Variants in FA2H observed in about 807,000 individuals in gnomAD.
The protein encoded by FA2H is fatty acid alpha-hydroxylase.
FA2H carries 22 observed loss-of-function variants against 44.9 expected under a neutral mutation model. That is an observed-to-expected ratio of 0.49 (90% CI 0.35 to 0.70). The LOEUF is 0.70. Among genes scored for constraint, FA2H ranks in the 30% least tolerant of loss-of-function variants. The pLI is 0.01. For missense variants in FA2H, 501 were observed against 504.9 expected (o/e 0.99, Z 0.07); for synonymous variants, 243 against 213.2 (o/e 1.14, Z -1.22).
At chr16:74,741,829 T>TGTGC (rs1306244978) in intron 1 of FA2H, among the ~76,000 whole-genome samples, 969 of 89,696 alleles carry the variant, frequency 0.011, 15 homozygotes, top group Non-Finnish European at 0.017. Flanking sequence ...TGTGTGTGTG[T>TGTGC]GTGTGTGTAT....
chr16:74,743,161 C>T (rs1260776585), intron 1 of FA2H, among the ~76,000 whole-genome samples: 1 of 152,132 alleles, frequency 6.6e-6, no homozygotes, highest in Non-Finnish European at 1.5e-5. Flanking sequence ...CTCTATTTTA[C>T]AGTATTTATG....
At chr16:74,727,116 C>T (rs1016059627) in intron 3 of FA2H, 128 bp downstream of exon 3, 14 of 1,302,582 alleles carry the variant, frequency 1.1e-5, no homozygotes, top group Non-Finnish European at 1.5e-5. Flanking sequence ...ATGTTCCTCC[C>T]TCCCTGACAG....
At chr16:74,727,623 T>C (rs1961987232) in intron 2 of FA2H, among the ~76,000 whole-genome samples, 2 of 152,182 alleles carry the variant, frequency 1.3e-5, no homozygotes, top group South Asian at 4.1e-4. Context: ...TGATGAGCCA[T>C]CAGATGATCC....
chr16:74,748,571 C>T (rs1179571390), intron 1 of FA2H, among the ~76,000 whole-genome samples: 1 of 152,162 alleles, frequency 6.6e-6, no homozygotes, highest in East Asian at 1.9e-4. Flanking sequence ...CTCCTTTCTC[C>T]CCTCGTGGAG....
At chr16:74,726,183 T>A (rs1961949141) in intron 4 of FA2H, 42 bp downstream of exon 4, 1 of 1,393,060 alleles carries the variant, frequency 7.2e-7, no homozygotes, top group Non-Finnish European at 1.0e-6. Flanking sequence ...GTCTCCTCCC[T>A]CTAGGATCCT....
chr16:74,753,673 AAAAT>A (rs1354579707), intron 1 of FA2H, among the ~76,000 whole-genome samples: 3 of 152,138 alleles, frequency 2.0e-5, no homozygotes, highest in Non-Finnish European at 4.4e-5. Context: ...ACTCCAGCTC[AAAAT>A]AAATAAATAA....
intron 1 of FA2H, among the ~76,000 whole-genome samples, chr16:74,769,364 CT>C (rs1962863910): frequency 6.6e-6 from 1 of 152,062 alleles, no homozygotes; most frequent in Non-Finnish European, 1.5e-5. Context: ...CCCAAAGTGC[CT>C]GGATTACAGG....
intron 1 of FA2H, among the ~76,000 whole-genome samples, chr16:74,748,823 G>A (rs1482011049): frequency 6.6e-6 from 1 of 152,210 alleles, no homozygotes; most frequent in Non-Finnish European, 1.5e-5. Context: ...GGGAAAGCTG[G>A]GGCTGGGCAC....
At chr16:74,737,848 C>T (rs1315982233) in intron 2 of FA2H, among the ~76,000 whole-genome samples, 3 of 152,174 alleles carry the variant, frequency 2.0e-5, no homozygotes, top group Admixed American at 6.5e-5. Flanking sequence ...AAGACCTACC[C>T]CAGCCCCCGC....
intron 6 of FA2H, among the ~76,000 whole-genome samples, chr16:74,716,089 G>C (rs1309611014): frequency 6.6e-6 from 1 of 152,008 alleles, no homozygotes; most frequent in Non-Finnish European, 1.5e-5. Context: ...CCCTCGGCTG[G>C]GATTACAGGT....
chr16:74,729,986 A>C (rs529467236), intron 2 of FA2H, among the ~76,000 whole-genome samples: 15 of 152,200 alleles, frequency 9.9e-5, no homozygotes, highest in African/African-American at 3.6e-4. Flanking sequence ...AGCCTGGACG[A>C]AACAGCCATC....
rs747902289 is a variant in FA2H, at chr16:74,727,438, C to T, written c.364-52G>A. 18 of 1,592,314 alleles carry T rather than the reference C, an allele frequency of 1.1e-5. No individual in the cohort carries two copies. The East Asian group carries it at 1.3e-4, about 12-fold the overall frequency. ...TTTGATATTCACGTCTTCCCATATT[C>T]GTTCTCCCATTTCCTCGTTACAGCA... On this transcript the variant is annotated intron_variant, in intron 2 of 6. Transcript: ENST00000219368.
At chr16:74,726,059 A>T (rs1961947023) in intron 4 of FA2H, 166 bp downstream of exon 4, 2 of 627,548 alleles carry the variant, frequency 3.2e-6, no homozygotes. Context: ...GATGGGAGTC[A>T]GACAAAATTC....
At chr16:74,767,813 A>C (rs1962836801) in intron 1 of FA2H, among the ~76,000 whole-genome samples, 1 of 152,250 alleles carries the variant, frequency 6.6e-6, no homozygotes, top group African/African-American at 2.4e-5. Context: ...TTTGCCAGAG[A>C]AGCAATCAAA....
At chr16:74,750,513 CACTGA>C (rs1204704747) in intron 1 of FA2H, among the ~76,000 whole-genome samples, 1 of 152,164 alleles carries the variant, frequency 6.6e-6, no homozygotes, top group Non-Finnish European at 1.5e-5. Flanking sequence ...CAATAATAGT[CACTGA>C]ACTGTTTTAT....
At chr16:74,731,376 C>G (rs1567639106) in intron 2 of FA2H, among the ~76,000 whole-genome samples, 1 of 151,316 alleles carries the variant, frequency 6.6e-6, no homozygotes, top group Non-Finnish European at 1.5e-5. Flanking sequence ...CTCCTGACCT[C>G]AGGTGATTCT....
In FA2H at chr16:74,755,319, A is replaced by G. The variant is rs117557040; in HGVS notation, c.271-15204T>C. 6.0e-3 allele frequency among the ~76,000 whole-genome samples: 917 copies of G among 152,238 alleles called. 3 individuals carry two copies. The highest frequency in any genetic ancestry group is 0.01 in the Non-Finnish European group (712 of 68,000). On this transcript the variant is annotated intron_variant, in intron 1 of 6. Coordinates refer to ENST00000219368, the MANE Select transcript of FA2H (RefSeq NM_024306.5). ...TTCAGCCTCCAGAGTAGCTGGGACT[A>G]CACGCATGTGCTACCACACCCAGCT... is the stretch of plus-strand genomic sequence containing the variant.
chr16:74,715,753 C>T (rs1419254422), intron 6 of FA2H, among the ~76,000 whole-genome samples: 1 of 151,936 alleles, frequency 6.6e-6, no homozygotes, highest in Non-Finnish European at 1.5e-5. Flanking sequence ...CAGTGGAAAT[C>T]GCTGGACCCT....
chr16:74,766,549 A>G lies in FA2H; in HGVS notation c.270+7937T>C, dbSNP rs1962811927. On this transcript the variant is annotated intron_variant, in intron 1 of 6. Transcript: ENST00000219368. The stretch of plus-strand genomic sequence containing the variant: ...TTCAGAGACAATGGGGAACAGAGGA[A>G]GACCTGCCCAAGAGACTGCGACAAT... Among the ~76,000 whole-genome samples, 4 of 152,176 alleles carry G rather than the reference A, an allele frequency of 2.6e-5. No individual in the cohort carries two copies. In the South Asian group the frequency reaches 8.3e-4, roughly 32 times the overall value.
Sources: gnomAD v4.1 joint callset for allele counts (sites outside exome capture counted in the v4.1 genomes callset) on GRCh38, gnomAD v4.1.1 for gene constraint, MANE v1.5 for transcripts, NCBI Gene and HGNC (gene_info 2026-07-23, HGNC 2026-07-21) for gene names.